Variants in ZNF407 observed in about 807,000 individuals in gnomAD.
ZNF407 encodes the protein zinc finger protein 407.
Under a neutral mutation model 131.2 loss-of-function variants are expected in ZNF407, and 17 were observed. The ratio of observed to expected loss-of-function variants is 0.13; its 90% CI spans 0.09 to 0.19. The LOEUF is 0.19. Among genes scored for constraint, ZNF407 ranks in the 10% least tolerant of loss-of-function variants. The pLI, the probability that ZNF407 is intolerant of heterozygous loss-of-function variation, is 1.00. For missense variants in ZNF407, 2,681 were observed against 2,830.6 expected (o/e 0.95, Z 1.20); for synonymous variants, 1,156 against 1,062.0 (o/e 1.09, Z -1.72).
At chr18:74,977,641 C>T (rs1972542723) in intron 8 of ZNF407, among the ~76,000 whole-genome samples, 1 of 152,202 alleles carries the variant, frequency 6.6e-6, no homozygotes, top group Non-Finnish European at 1.5e-5. Context: ...GCAGGCTCCA[C>T]AGAAGGTGAG....
At chr18:74,786,353 T>G (rs1439987233) in intron 4 of ZNF407, among the ~76,000 whole-genome samples, 1 of 152,224 alleles carries the variant, frequency 6.6e-6, no homozygotes, top group Non-Finnish European at 1.5e-5. Context: ...TGGAATATTT[T>G]TTATGAAACT....
At chr18:74,757,418 ATGAG>A (rs1312011903) in intron 3 of ZNF407, among the ~76,000 whole-genome samples, 4 of 152,038 alleles carry the variant, frequency 2.6e-5, no homozygotes, top group African/African-American at 9.7e-5. Flanking sequence ...CACTGTATTT[ATGAG>A]TATGTTTCAT....
intron 8 of ZNF407, among the ~76,000 whole-genome samples, chr18:75,055,206 G>GTACT (rs1295172014): frequency 6.6e-6 from 1 of 152,242 alleles, no homozygotes; most frequent in Non-Finnish European, 1.5e-5. Flanking sequence ...TTCTGAAGAA[G>GTACT]TACTATTCAT....
rs146677417 is a variant in ZNF407 at position 75,000,145 on chromosome 18, G to A, written c.5429-63005G>A. On this transcript the variant is annotated intron_variant, in intron 8 of 8. Coordinates refer to ENST00000299687, the MANE Select transcript of ZNF407 (RefSeq NM_017757.3). Reference sequence around the variant, plus strand: ...TCTGTGGGCGGGTCCACAGGAAACCGATATGGCAGGTTTGTTCTGGACAGG... The same window carrying A: ...TCTGTGGGCGGGTCCACAGGAAACCAATATGGCAGGTTTGTTCTGGACAGG... Among the ~76,000 whole-genome samples, 420 of 152,270 alleles carry A rather than the reference G, an allele frequency of 2.8e-3. 2 individuals carry two copies. Among genetic ancestry groups the A allele is most frequent in the African/African-American group, 9.2e-3 (384 of 41,544 alleles).
At chr18:74,793,016 G>T (rs1368852526) in intron 4 of ZNF407, among the ~76,000 whole-genome samples, 1 of 152,060 alleles carries the variant, frequency 6.6e-6, no homozygotes. Flanking sequence ...TAACATTGTC[G>T]ATTCCTAAGA....
At chr18:74,980,832 A>G (rs1285721857) in intron 8 of ZNF407, among the ~76,000 whole-genome samples, 1 of 152,164 alleles carries the variant, frequency 6.6e-6, no homozygotes, top group Non-Finnish European at 1.5e-5. Flanking sequence ...GAAAGGGAGC[A>G]CCAGTCCTGC....
chr18:74,925,212 T>C (rs942426922), intron 8 of ZNF407, among the ~76,000 whole-genome samples: 2 of 152,236 alleles, frequency 1.3e-5, no homozygotes, highest in African/African-American at 4.8e-5. Flanking sequence ...CATATACGTA[T>C]GTACATTAGA....
chr18:74,747,351 G>A (rs946223652), intron 3 of ZNF407, among the ~76,000 whole-genome samples: 1 of 152,072 alleles, frequency 6.6e-6, no homozygotes, highest in Non-Finnish European at 1.5e-5. Flanking sequence ...CATTTATTAT[G>A]ATTTGTAGAA....
intron 8 of ZNF407, among the ~76,000 whole-genome samples, chr18:75,042,864 G>A (rs1052653789): frequency 6.6e-6 from 1 of 152,132 alleles, no homozygotes; most frequent in Non-Finnish European, 1.5e-5. Flanking sequence ...TCCCATTGCT[G>A]CACATCCACT....
chr18:74,772,003 C>A (rs1969372424), intron 3 of ZNF407, among the ~76,000 whole-genome samples: 1 of 152,144 alleles, frequency 6.6e-6, no homozygotes, highest in Non-Finnish European at 1.5e-5. Context: ...TTCTTACTTT[C>A]TATGAGGCTA....
intron 8 of ZNF407, among the ~76,000 whole-genome samples, chr18:75,035,014 A>G (rs12456411): frequency 0.97 from 147,041 of 152,310 alleles, 71,197 homozygotes; most frequent in East Asian, 1. Context: ...TTCACTCATG[A>G]AAGAAAGATG....
chr18:75,032,588 T>C (rs1446957972), intron 8 of ZNF407, among the ~76,000 whole-genome samples: 1 of 152,196 alleles, frequency 6.6e-6, no homozygotes, highest in Non-Finnish European at 1.5e-5. Context: ...GTTTTCCCCC[T>C]GCCCACTAAC....
intron 8 of ZNF407, among the ~76,000 whole-genome samples, chr18:75,034,117 T>TGGGG (rs1347756897): frequency 6.6e-6 from 1 of 152,188 alleles, no homozygotes; most frequent in Non-Finnish European, 1.5e-5. Flanking sequence ...TACACACATA[T>TGGGG]CAGCGTTCTG....
intron 3 of ZNF407, among the ~76,000 whole-genome samples, chr18:74,677,378 G>A (rs115150046): frequency 0.017 from 2,602 of 152,122 alleles, 75 homozygotes; most frequent in African/African-American, 0.06. Context: ...GGCTTGAGCC[G>A]CCCTACGGGG....
At chr18:75,060,231 C>T (rs1372394246) in intron 8 of ZNF407, 2 of 152,210 alleles carry the variant, frequency 1.3e-5, no homozygotes, top group Non-Finnish European at 2.9e-5. Context: ...CATGAGAAAA[C>T]AGGGTGCGCT....
intron 8 of ZNF407, among the ~76,000 whole-genome samples, chr18:74,929,846 C>T (rs905647666): frequency 5.9e-5 from 9 of 152,154 alleles, no homozygotes; most frequent in African/African-American, 1.7e-4. Context: ...TCATTTATTT[C>T]TATTTGCAGT....
intron 3 of ZNF407, among the ~76,000 whole-genome samples, chr18:74,713,224 A>G (rs977813956): frequency 1.1e-4 from 16 of 152,172 alleles, no homozygotes; most frequent in African/African-American, 3.9e-4. Context: ...GGTTTGGAAT[A>G]AAGGAACTCC....
At chr18:74,841,226 G>C (rs1052844495) in intron 4 of ZNF407, among the ~76,000 whole-genome samples, 8 of 152,180 alleles carry the variant, frequency 5.3e-5, no homozygotes, top group Admixed American at 4.6e-4. Flanking sequence ...TTTGTGAACT[G>C]GTTGCCATTC....
At chr18:74,734,858 T>C (rs1343698505) in intron 3 of ZNF407, among the ~76,000 whole-genome samples, 2 of 152,132 alleles carry the variant, frequency 1.3e-5, no homozygotes, top group Admixed American at 1.3e-4. Context: ...ATTTTACATT[T>C]TGGATAATGT....
Sources: allele counts gnomAD v4.1 joint callset (sites outside exome capture counted in the v4.1 genomes callset), GRCh38; gene constraint gnomAD v4.1.1; transcripts MANE v1.5; gene names NCBI Gene and HGNC (gene_info 2026-07-23, HGNC 2026-07-21).